The following PCGF6 variants were observed in gnomAD, a reference collection of about 807,000 sequenced individuals.
PCGF6 encodes the protein polycomb group RING finger protein 6.
PCGF6 carries 24 observed loss-of-function variants against 45.5 expected under a neutral mutation model. That is an observed-to-expected ratio of 0.53 (90% CI 0.38 to 0.74). The LOEUF (loss-of-function observed/expected upper bound fraction) is 0.74, where lower values mean the gene tolerates loss of function less well. PCGF6 is among the 30% of genes least tolerant of loss of function. PCGF6 has a pLI of 0.00. For missense variants in PCGF6, 356 were observed against 443.2 expected (o/e 0.80, Z 1.77); for synonymous variants, 152 against 162.1 (o/e 0.94, Z 0.47).
At chr10:103,318,485 C>G (rs2093184418) in intron 8 of PCGF6, among the ~76,000 whole-genome samples, 1 of 151,532 alleles carries the variant, frequency 6.6e-6, no homozygotes, top group African/African-American at 2.4e-5. Flanking sequence ...TGGCGCACAC[C>G]TGTAATCCTA....
intron 8 of PCGF6, among the ~76,000 whole-genome samples, chr10:103,316,198 T>G (rs1592058302): frequency 6.6e-6 from 1 of 152,292 alleles, no homozygotes. Flanking sequence ...CTATTGCTTC[T>G]TTCTTCCTAT....
intron 9 of PCGF6, among the ~76,000 whole-genome samples, chr10:103,313,336 G>A (rs2093163972): frequency 6.6e-6 from 1 of 152,202 alleles, no homozygotes; most frequent in African/African-American, 2.4e-5. Flanking sequence ...AGGCCAAGGT[G>A]GGCGGATCAC....
At chr10:103,348,526 T>C (rs2093308058) in intron 3 of PCGF6, 190 bp downstream of exon 3, 3 of 423,058 alleles carry the variant, frequency 7.1e-6, no homozygotes, top group African/African-American at 2.1e-5. Context: ...GGTTTCACCA[T>C]GTTGGCCAGG....
At chr10:103,315,586 C>G (rs2093171968) in intron 8 of PCGF6, among the ~76,000 whole-genome samples, 1 of 152,128 alleles carries the variant, frequency 6.6e-6, no homozygotes. Flanking sequence ...GTCTAGATCT[C>G]CTGACCTGAT....
chr10:103,312,217 C>T (rs1188470477), intron 9 of PCGF6, among the ~76,000 whole-genome samples: 1 of 151,056 alleles, frequency 6.6e-6, no homozygotes, highest in Non-Finnish European at 1.5e-5. Flanking sequence ...CACAGTGAAA[C>T]CCCGTCTCTA....
chr10:103,347,788 A>G (rs369536966), intron 3 of PCGF6, among the ~76,000 whole-genome samples: 1 of 152,222 alleles, frequency 6.6e-6, no homozygotes, highest in East Asian at 1.9e-4. Flanking sequence ...TCCTAGGCTT[A>G]GGTGGATTTT....
At chr10:103,315,356 T>C (rs2093171016) in intron 8 of PCGF6, among the ~76,000 whole-genome samples, 1 of 151,936 alleles carries the variant, frequency 6.6e-6, no homozygotes, top group Non-Finnish European at 1.5e-5. Flanking sequence ...TGGCAAATTG[T>C]GTGTTTTTTA....
chr10:103,309,068 C>G (rs929347981), intron 9 of PCGF6, among the ~76,000 whole-genome samples: 1 of 151,892 alleles, frequency 6.6e-6, no homozygotes, highest in African/African-American at 2.4e-5. Context: ...GGCTCATAGG[C>G]AGAAGGGACT....
chr10:103,343,767 C>T (rs554502496), intron 6 of PCGF6, among the ~76,000 whole-genome samples: 1 of 122,518 alleles, frequency 8.2e-6, no homozygotes, highest in Non-Finnish European at 1.6e-5. Flanking sequence ...TGGGAGGCAG[C>T]AGTTGCAATA....
At chr10:103,346,496 C>T (rs892630697) in intron 5 of PCGF6, among the ~76,000 whole-genome samples, 6 of 150,938 alleles carry the variant, frequency 4.0e-5, no homozygotes, top group Non-Finnish European at 8.9e-5. Flanking sequence ...TAGTGGCGGG[C>T]GCCTGTAGCC....
chr10:103,314,813 G>A (rs1208309822), intron 8 of PCGF6, among the ~76,000 whole-genome samples: 5 of 151,722 alleles, frequency 3.3e-5, no homozygotes, highest in African/African-American at 1.2e-4. Flanking sequence ...AACCAGGCAC[G>A]GTGGTAATCA....
chr10:103,313,687 TGGGCCACATGTGGCCTGA>T (rs1389037111), intron 9 of PCGF6, among the ~76,000 whole-genome samples: 2 of 152,242 alleles, frequency 1.3e-5, no homozygotes, highest in African/African-American at 4.8e-5. Context: ...GCAGCTATCC[TGGGCCACATGTGGCCTGA>T]GGGCCACAGG....
At chr10:103,338,560 A>G (rs2093267104) in intron 6 of PCGF6, among the ~76,000 whole-genome samples, 1 of 150,584 alleles carries the variant, frequency 6.6e-6, no homozygotes, top group Non-Finnish European at 1.5e-5. Flanking sequence ...AAAAAAAAAA[A>G]GAAGACCATA....
chr10:103,318,408 A>G (rs1028592585), intron 8 of PCGF6, among the ~76,000 whole-genome samples: 4 of 143,658 alleles, frequency 2.8e-5, no homozygotes, highest in African/African-American at 1.0e-4. Context: ...GCGCCACTGC[A>G]CTCTAGCCTG....
In PCGF6 at chr10:103,326,621, C is replaced by A. The variant is rs778046845; in HGVS notation, c.822G>T (p.Lys274Asn). ...EGTGHFKPLEKKFVRVSGEAT... is the reference protein window; with the variant it reads ...EGTGHFKPLENKFVRVSGEAT... ...CTTCTCCTGAAACTCGAACAAACTTCTTTTCCAATGGCTACAAAAACAGAC... is the reference window on the plus strand; with the variant it reads ...CTTCTCCTGAAACTCGAACAAACTTATTTTCCAATGGCTACAAAAACAGAC... Residue 274 changes from lysine (K) to asparagine (N), a missense_variant, in exon 8 of 10, where the codon AAG (lysine) becomes AAT (asparagine). Lys to Asn is a moderately conservative substitution (Grantham distance 94). This residue lies in a region of PCGF6 where 307 missense variants were observed against 350.1 expected (regional missense o/e 0.88). Transcript: ENST00000369847. 7.5e-6 allele frequency: 12 copies of A among 1,608,862 alleles called. No individual in the cohort carries two copies. The highest frequency in any genetic ancestry group is 2.2e-5 in the South Asian group (2 of 89,598).
At chr10:103,327,665 CTT>C (rs370470160) in intron 7 of PCGF6, among the ~76,000 whole-genome samples, 2 of 148,066 alleles carry the variant, frequency 1.4e-5, no homozygotes, top group African/African-American at 5.0e-5. Context: ...AAAGGGAATT[CTT>C]TTTTTTTTCT....
At chr10:103,320,504 T>A (rs1230232887) in intron 8 of PCGF6, among the ~76,000 whole-genome samples, 2 of 152,074 alleles carry the variant, frequency 1.3e-5, no homozygotes, top group African/African-American at 4.8e-5. Context: ...CTGGCCAACA[T>A]GGAGAAACTC....
Position 103,351,102 on chromosome 10 carries a change from G to A in PCGF6, c.-36C>T. 1.5e-6 allele frequency: 2 copies of A among 1,339,390 alleles called. No individual in the cohort carries two copies. Among genetic ancestry groups the A allele is most frequent in the Non-Finnish European group, 1.9e-6 (2 of 1,045,022 alleles). 83.0% of individuals were successfully genotyped at this position (1,339,390 alleles called of 1,614,324 possible). ...GACACCAGGCGAGGCGAGGCGGCGG[G>A]AGAGCGCGGGAGTTCGGCCGGCCTC... On this transcript the variant is annotated 5_prime_UTR_variant, in exon 1 of 10. Coordinates refer to ENST00000369847, the MANE Select transcript of PCGF6 (RefSeq NM_001011663.2).
Position 103,350,722 on chromosome 10 carries a change from C to A in PCGF6, c.345G>T (p.Ser115=). The part of the protein sequence containing the change: ...SLRLEGGRQD[S]EDEEERLINL... ...CTCTAAATACCTCCTCCTCGTCCTC[C>A]GAGTCCTGCCGGCCTCCCTCCAGCC... The change falls in exon 1 of 10, where the codon TCG becomes TCT. Residue 115 remains serine, a synonymous_variant. Transcript: ENST00000369847. 3 of 1,536,326 alleles carry A rather than the reference C, an allele frequency of 2.0e-6. No individual in the cohort carries two copies. Among genetic ancestry groups the A allele is most frequent in the Non-Finnish European group, 1.8e-6 (2 of 1,139,902 alleles).
Sources: allele counts gnomAD v4.1 joint callset (sites outside exome capture counted in the v4.1 genomes callset), GRCh38; gene constraint gnomAD v4.1.1; regional missense constraint gnomAD v4.1.1; transcripts MANE v1.5; gene names NCBI Gene and HGNC (gene_info 2026-07-23, HGNC 2026-07-21).